CCDC73: variants seen among roughly 807,000 people sequenced by gnomAD.
The protein encoded by CCDC73 is coiled-coil domain containing 73.
Under a neutral mutation model 116.5 loss-of-function variants are expected in CCDC73, and 95 were observed. The ratio of observed to expected loss-of-function variants is 0.82; its 90% confidence interval spans 0.69 to 0.97. The LOEUF (loss-of-function observed/expected upper bound fraction) is 0.97, where lower values mean the gene tolerates loss of function less well. CCDC73 is among the 50% of genes least tolerant of loss of function. The pLI is 0.00. For synonymous variants in CCDC73, 398 were observed against 401.3 expected, an observed-to-expected ratio of 0.99 and a Z score of 0.10; for missense variants, 1,066 against 1,206.8, an observed-to-expected ratio of 0.88 and a Z score of 1.73.
At chr11:32,777,968 CTATT>C (rs1257955653) in intron 1 of CCDC73, among the ~76,000 whole-genome samples, 2 of 152,116 alleles carry the variant, frequency 1.3e-5, no homozygotes, top group African/African-American at 2.4e-5. Context: ...TATATATACA[CTATT>C]TATCTTAAAT....
At chr11:32,753,108 G>A (rs1177348234) in intron 2 of CCDC73, among the ~76,000 whole-genome samples, 1 of 151,946 alleles carries the variant, frequency 6.6e-6, no homozygotes, top group African/African-American at 2.4e-5. Context: ...CACTGTGCCT[G>A]GCCAGTCACT....
At chr11:32,829,319 T>A in the CCDC73 span, among the ~76,000 whole-genome samples, 1 of 152,284 alleles carries the variant, frequency 6.6e-6, no homozygotes, top group African/African-American at 2.4e-5. Context: ...CCCTGGAAAT[T>A]TCCACTGTAC....
chr11:32,793,043 T>C (rs115682303), intron 1 of CCDC73, among the ~76,000 whole-genome samples: 7,458 of 152,242 alleles, frequency 0.049, 201 homozygotes, highest in African/African-American at 0.068. Context: ...CGAAAGAAAC[T>C]AAAAACCCTA....
At chr11:32,767,761 A>G (rs904261681) in intron 1 of CCDC73, among the ~76,000 whole-genome samples, 2 of 152,218 alleles carry the variant, frequency 1.3e-5, no homozygotes, top group African/African-American at 4.8e-5. Flanking sequence ...GCAAATCAAA[A>G]CCACAGTGAG....
At position 32,769,582 on chromosome 11, in the gene CCDC73, G is replaced by A. The variant is rs116213060; in HGVS notation, c.-15-9324C>T. ...AATCACAAAACCAGCAAAGATTCAA[G>A]GGATGGAGAAATATACTCCATCTTT... On this transcript the variant is annotated intron_variant, in intron 1 of 17. Coordinates refer to ENST00000335185, the MANE Select transcript of CCDC73 (RefSeq NM_001008391.4). Among the ~76,000 whole-genome samples the A allele has an allele frequency of 7.2e-3, 1,099 of 152,196 alleles. 17 individuals are homozygous for A. The highest frequency in any genetic ancestry group is 0.026 in the African/African-American group (1,059 of 41,518).
intron 6 of CCDC73, among the ~76,000 whole-genome samples, chr11:32,684,100 T>C (rs1374225924): frequency 6.6e-6 from 1 of 152,206 alleles, no homozygotes; most frequent in East Asian, 1.9e-4. Context: ...CAAGCTGGAA[T>C]ACACTAGGAT....
rs371713551 is a variant in CCDC73, at chr11:32,738,505, T to C, written c.136-20358A>G. The stretch of plus-strand genomic sequence containing the variant: ...CTGTGTGCGATTTGTATGCCTTCTT[T>C]TGAGAAATATTCAGATCTTTTGCCC... On this transcript the variant is annotated intron_variant, in intron 2 of 17. Transcript: ENST00000335185. Among the ~76,000 whole-genome samples, 17 of 152,292 alleles carry C rather than the reference T, an allele frequency of 1.1e-4. No individual in the cohort carries two copies. In the South Asian group the frequency reaches 3.3e-3, roughly 30 times the overall value.
At chr11:32,725,878 T>C (rs1199575895) in intron 2 of CCDC73, among the ~76,000 whole-genome samples, 1 of 152,182 alleles carries the variant, frequency 6.6e-6, no homozygotes, top group Non-Finnish European at 1.5e-5. Context: ...AGCAGTCTTA[T>C]GAGGATAGGC....
intron 16 of CCDC73, 104 bp from the exon 17 acceptor site, chr11:32,611,369 C>A: frequency 1.0e-6 from 1 of 961,774 alleles, no homozygotes; most frequent in Non-Finnish European, 1.5e-6. Flanking sequence ...TAAAAAGCAA[C>A]AAATTTCTAT....
chr11:32,783,502 A>G (rs1850600460), intron 1 of CCDC73, among the ~76,000 whole-genome samples: 2 of 152,132 alleles, frequency 1.3e-5, no homozygotes, highest in South Asian at 4.1e-4. Flanking sequence ...ACAGAAATTT[A>G]TTTCTCGCAG....
At chr11:32,820,894 T>C in the CCDC73 span, among the ~76,000 whole-genome samples, 11 of 152,226 alleles carry the variant, frequency 7.2e-5, no homozygotes, top group Non-Finnish European at 7.3e-5. Flanking sequence ...GAATTGTCTA[T>C]GTGTTATATC....
chr11:32,664,043 G>A (rs1222604277), intron 9 of CCDC73, among the ~76,000 whole-genome samples: 2 of 152,158 alleles, frequency 1.3e-5, no homozygotes, highest in Non-Finnish European at 2.9e-5. Context: ...GTTGATCATG[G>A]TGGATAAGCT....
intron 2 of CCDC73, among the ~76,000 whole-genome samples, chr11:32,740,442 A>G (rs1245117412): frequency 6.6e-6 from 1 of 151,990 alleles, no homozygotes; most frequent in Non-Finnish European, 1.5e-5. Flanking sequence ...GTGTCTAGAA[A>G]TTTATCCATT....
At chr11:32,823,711 C>T in the CCDC73 span, among the ~76,000 whole-genome samples, 1 of 150,926 alleles carries the variant, frequency 6.6e-6, no homozygotes, top group Non-Finnish European at 1.5e-5. Flanking sequence ...CGAATTATCA[C>T]AGTACAGAGG....
At chr11:32,739,183 T>C (rs753204581) in intron 2 of CCDC73, among the ~76,000 whole-genome samples, 2 of 152,162 alleles carry the variant, frequency 1.3e-5, no homozygotes, top group African/African-American at 2.4e-5. Context: ...TCTGGGTCTT[T>C]CGTGGTTCCA....
At chr11:32,716,613 G>A (rs759372040) in intron 3 of CCDC73, among the ~76,000 whole-genome samples, 24 of 152,176 alleles carry the variant, frequency 1.6e-4, no homozygotes, top group Non-Finnish European at 3.2e-4. Flanking sequence ...CCAGGCTGGA[G>A]TGCAATGGCG....
intron 9 of CCDC73, among the ~76,000 whole-genome samples, chr11:32,657,494 AG>A (rs1455506070): frequency 6.6e-6 from 1 of 152,168 alleles, no homozygotes; most frequent in Non-Finnish European, 1.5e-5. Context: ...TGAGTAGTAT[AG>A]TGGATATCCT....
chr11:32,737,784 T>C (rs972256962), intron 2 of CCDC73, among the ~76,000 whole-genome samples: 1 of 151,504 alleles, frequency 6.6e-6, no homozygotes, highest in African/African-American at 2.4e-5. Flanking sequence ...CTAGATCTTA[T>C]TCAGTCTTAT....
intron 14 of CCDC73, among the ~76,000 whole-genome samples, chr11:32,628,138 T>C (rs1855593794): frequency 6.6e-6 from 1 of 152,154 alleles, no homozygotes; most frequent in Non-Finnish European, 1.5e-5. Context: ...ATACAGTGTA[T>C]GAAACAACAG....
Sources: gnomAD v4.1 joint callset for allele counts (sites outside exome capture counted in the v4.1 genomes callset) on GRCh38, gnomAD v4.1.1 for gene constraint, MANE v1.5 for transcripts, NCBI Gene and HGNC (gene_info 2026-07-23, HGNC 2026-07-21) for gene names.